The following MAGI2 variants were observed in gnomAD, a reference collection of about 807,000 sequenced individuals.
The protein encoded by MAGI2 is membrane associated guanylate kinase, WW and PDZ domain containing 2, also known as membrane-associated guanylate kinase, WW and PDZ domain-containing protein 2.
A neutral mutation model predicts 133.3 loss-of-function variants in MAGI2; 35 were observed. That is an observed-to-expected ratio of 0.26 (90% CI 0.20 to 0.35). The LOEUF (loss-of-function observed/expected upper bound fraction) is 0.35. Ranked by LOEUF, MAGI2 falls within the 10% of genes least tolerant of loss-of-function variation. The pLI is 1.00. For missense variants in MAGI2, 1,636 were observed against 1,863.4 expected, an observed-to-expected ratio of 0.88 and a Z score of 2.25; for synonymous variants, 729 against 710.6, an observed-to-expected ratio of 1.03 and a Z score of -0.41.
At chr7:79,141,705 A>G (rs1822146833) in intron 1 of MAGI2, among the ~76,000 whole-genome samples, 1 of 151,884 alleles carries the variant, frequency 6.6e-6, no homozygotes, top group African/African-American at 2.4e-5. Flanking sequence ...TTGGTACCCC[A>G]TTATTCACCA....
intron 2 of MAGI2, among the ~76,000 whole-genome samples, chr7:78,927,996 G>A (rs1208224559): frequency 1.3e-5 from 2 of 151,722 alleles, no homozygotes; most frequent in Admixed American, 1.3e-4. Context: ...TTCTGTTTGG[G>A]AACATATTTC....
chr7:79,168,595 A>T (rs757324713), intron 1 of MAGI2, among the ~76,000 whole-genome samples: 1 of 151,944 alleles, frequency 6.6e-6, no homozygotes, highest in Non-Finnish European at 1.5e-5. Context: ...TGAGTTCCTC[A>T]CTGTCTTCCA....
intron 3 of MAGI2, among the ~76,000 whole-genome samples, chr7:78,531,212 TAA>T (rs1393399293): frequency 2.0e-5 from 3 of 147,324 alleles, no homozygotes; most frequent in African/African-American, 5.2e-5. Context: ...AATTATTAAT[TAA>T]GTTTTTTTTT....
At chr7:78,171,129 G>A (rs1234342622) in intron 14 of MAGI2, among the ~76,000 whole-genome samples, 1 of 152,098 alleles carries the variant, frequency 6.6e-6, no homozygotes, top group Non-Finnish European at 1.5e-5. Flanking sequence ...GAGATAGCTC[G>A]ATATATCTCT....
chr7:78,812,415 T>G (rs1414312334), intron 2 of MAGI2, among the ~76,000 whole-genome samples: 3 of 151,954 alleles, frequency 2.0e-5, no homozygotes, highest in Admixed American at 6.6e-5. Flanking sequence ...TAGCCTGGAG[T>G]TTTCAGACAC....
At chr7:79,270,061 A>T (rs1413905555) in intron 1 of MAGI2, among the ~76,000 whole-genome samples, 2 of 151,952 alleles carry the variant, frequency 1.3e-5, no homozygotes, top group Non-Finnish European at 2.9e-5. Context: ...CAACCAACTG[A>T]CCCCACCTGG....
intron 17 of MAGI2, 123 bp downstream of exon 17, chr7:78,134,898 C>T: frequency 2.6e-6 from 2 of 769,702 alleles, no homozygotes; most frequent in Non-Finnish European, 4.2e-6. Flanking sequence ...CAACCTCTGA[C>T]ACTCTGACAC....
intron 20 of MAGI2, among the ~76,000 whole-genome samples, chr7:78,087,030 C>T (rs952082087): frequency 1.3e-5 from 2 of 152,138 alleles, no homozygotes; most frequent in African/African-American, 4.8e-5. Flanking sequence ...CTTCTCCCCA[C>T]TTCAAAAAGG....
chr7:78,262,896 G>A (rs1042393369), intron 9 of MAGI2, among the ~76,000 whole-genome samples: 41 of 152,132 alleles, frequency 2.7e-4, no homozygotes, highest in African/African-American at 9.9e-4. Flanking sequence ...TCAAGGCTGA[G>A]GTTTGGAGTA....
chr7:78,697,271 G>A (rs1262132071), intron 2 of MAGI2, among the ~76,000 whole-genome samples: 2 of 152,236 alleles, frequency 1.3e-5, no homozygotes, highest in African/African-American at 4.8e-5. Context: ...GGAAATTTAA[G>A]CCTGTTGTTT....
At chr7:79,018,577 G>T (rs189964002) in intron 1 of MAGI2, among the ~76,000 whole-genome samples, 2 of 152,234 alleles carry the variant, frequency 1.3e-5, no homozygotes, top group Non-Finnish European at 2.9e-5. Context: ...TAGAGTAAAT[G>T]CCCCAATTAA....
intron 6 of MAGI2, chr7:78,485,746 CAT>C (rs1161619949): frequency 1.3e-5 from 2 of 151,936 alleles, no homozygotes; most frequent in Admixed American, 6.6e-5. Flanking sequence ...AGTAAGCACA[CAT>C]ATATGACAAA....
chr7:78,183,858 C>T (rs941557500), intron 13 of MAGI2, among the ~76,000 whole-genome samples: 11 of 152,324 alleles, frequency 7.2e-5, no homozygotes, highest in African/African-American at 1.7e-4. Context: ...TGAGCCACAG[C>T]GCCAAGCAAG....
At chr7:78,412,728 C>G (rs1253513620) in intron 6 of MAGI2, among the ~76,000 whole-genome samples, 1 of 151,988 alleles carries the variant, frequency 6.6e-6, no homozygotes, top group African/African-American at 2.4e-5. Flanking sequence ...TACAAAAGAG[C>G]ACTTCCAAAA....
intron 2 of MAGI2, among the ~76,000 whole-genome samples, chr7:78,712,538 G>T (rs1036175403): frequency 6.6e-6 from 1 of 152,162 alleles, no homozygotes; most frequent in African/African-American, 2.4e-5. Context: ...ACTAACCGGG[G>T]AAAGGGAGCA....
At chr7:78,618,567 A>G (rs1444846256) in intron 3 of MAGI2, 1 of 151,928 alleles carries the variant, frequency 6.6e-6, no homozygotes, top group Non-Finnish European at 1.5e-5. Flanking sequence ...CTCAAAGGAC[A>G]TGATTTTTTT....
intron 2 of MAGI2, among the ~76,000 whole-genome samples, chr7:78,755,475 A>C (rs569160104): frequency 2.0e-5 from 3 of 152,320 alleles, no homozygotes; most frequent in Non-Finnish European, 4.4e-5. Flanking sequence ...GGGCTTAAAT[A>C]CGTGTTTCAT....
intron 16 of MAGI2, among the ~76,000 whole-genome samples, chr7:78,148,409 A>G (rs2150575018): frequency 6.6e-6 from 1 of 152,320 alleles, no homozygotes; most frequent in Non-Finnish European, 1.5e-5. Flanking sequence ...AGCAGTAGTT[A>G]TAACTAAACA....
chr7:78,982,405 G>A (rs1418835737), intron 2 of MAGI2, among the ~76,000 whole-genome samples: 6 of 151,834 alleles, frequency 4.0e-5, no homozygotes, highest in Non-Finnish European at 8.8e-5. Context: ...TGTCTGTAAA[G>A]TTTTTGGCTA....
Sources: gnomAD v4.1 joint callset for allele counts (sites outside exome capture counted in the v4.1 genomes callset) on GRCh38, gnomAD v4.1.1 for gene constraint, MANE v1.5 for transcripts, NCBI Gene and HGNC (gene_info 2026-07-23, HGNC 2026-07-21) for gene names.